MAGI2: variants seen among roughly 807,000 people sequenced by gnomAD.
MAGI2 encodes membrane-associated guanylate kinase, WW and PDZ domain-containing protein 2.
MAGI2 carries 35 observed loss-of-function variants against 133.3 expected under a neutral mutation model. The ratio of observed to expected loss-of-function variants is 0.26; its 90% CI spans 0.20 to 0.35. The LOEUF (loss-of-function observed/expected upper bound fraction) is 0.35, where lower values mean the gene tolerates loss of function less well. MAGI2 is among the 10% of genes least tolerant of loss of function. The pLI, the probability that MAGI2 is intolerant of heterozygous loss-of-function variation, is 1.00. For missense variants in MAGI2, 1,636 were observed against 1,863.4 expected, an observed-to-expected ratio of 0.88 and a Z score of 2.25; for synonymous variants, 729 against 710.6, an observed-to-expected ratio of 1.03 and a Z score of -0.41.
chr7:79,309,202 C>T (rs1006698287), intron 1 of MAGI2, among the ~76,000 whole-genome samples: 1 of 151,856 alleles, frequency 6.6e-6, no homozygotes, highest in African/African-American at 2.4e-5. Context: ...CTAACAGTCT[C>T]AATATGTGTG....
chr7:78,985,638 A>T (rs1805188148), intron 2 of MAGI2, among the ~76,000 whole-genome samples: 1 of 152,016 alleles, frequency 6.6e-6, no homozygotes, highest in African/African-American at 2.4e-5. Flanking sequence ...TTTCTTTACC[A>T]TGGTTCACTA....
intron 2 of MAGI2, among the ~76,000 whole-genome samples, chr7:78,827,631 A>C (rs547424222): frequency 6.6e-6 from 1 of 152,320 alleles, no homozygotes; most frequent in East Asian, 1.9e-4. Flanking sequence ...TAAGATGAGC[A>C]CATTTCATAT....
chr7:78,997,011 T>A (rs955343977), intron 2 of MAGI2, among the ~76,000 whole-genome samples: 1 of 152,026 alleles, frequency 6.6e-6, no homozygotes, highest in Non-Finnish European at 1.5e-5. Flanking sequence ...ACAAGGTAAA[T>A]CAGAATTCCT....
intron 10 of MAGI2, chr7:78,252,303 T>A (rs1792480294): frequency 6.6e-6 from 1 of 152,050 alleles, no homozygotes; most frequent in Non-Finnish European, 1.5e-5. Context: ...GAGGGTGTGG[T>A]AGTAGCACAA....
chr7:78,592,064 C>G (rs1804059731), intron 3 of MAGI2, among the ~76,000 whole-genome samples: 1 of 152,078 alleles, frequency 6.6e-6, no homozygotes, highest in Non-Finnish European at 1.5e-5. Flanking sequence ...ACAGGTGACT[C>G]AGAGGATTAG....
chr7:78,254,470 G>A (rs1403961714), intron 10 of MAGI2: 1 of 152,140 alleles, frequency 6.6e-6, no homozygotes, highest in Non-Finnish European at 1.5e-5. Flanking sequence ...AAAATACCTT[G>A]CCAACATTTA....
chr7:78,547,572 A>G (rs1402742732), intron 3 of MAGI2, among the ~76,000 whole-genome samples: 1 of 152,248 alleles, frequency 6.6e-6, no homozygotes, highest in Non-Finnish European at 1.5e-5. Context: ...AGGGCTGAGG[A>G]TGGCTGGAGC....
In MAGI2 at chr7:78,134,733, G is replaced by A. The variant is rs190448758; in HGVS notation, c.3031+288C>T. 279 of 274,982 alleles carry A rather than the reference G, an allele frequency of 1.0e-3. 5 individuals are homozygous for A. In the East Asian group the frequency reaches 0.017, roughly 17 times the overall value. The allele number at this position is 274,982 out of a possible 1,614,324, so 17.0% of individuals were successfully genotyped here. A position where few individuals can be genotyped will look rare whatever the true frequency, so the allele number is the denominator to read the frequency against. ...ACTTAATATAACCATAAAAGTGGGG[G>A]CCCACAGGGAATGATTGAATAACCT... On this transcript the variant is annotated intron_variant, in intron 17 of 21. Coordinates refer to ENST00000354212, the MANE Select transcript of MAGI2 (RefSeq NM_012301.4).
chr7:78,369,296 T>C (rs931830117), intron 6 of MAGI2, 83 bp from the exon 7 acceptor site: 3 of 987,616 alleles, frequency 3.0e-6, no homozygotes, highest in African/African-American at 3.3e-5. Context: ...GTTCATGGAT[T>C]GCAGAAATGG....
chr7:79,269,897 C>G (rs1327764375), intron 1 of MAGI2, among the ~76,000 whole-genome samples: 1 of 152,154 alleles, frequency 6.6e-6, no homozygotes, highest in Non-Finnish European at 1.5e-5. Context: ...GGCCTGAACT[C>G]TGATAAATTT....
chr7:78,244,678 A>G (rs1011851374), intron 10 of MAGI2, among the ~76,000 whole-genome samples: 1 of 152,204 alleles, frequency 6.6e-6, no homozygotes, highest in African/African-American at 2.4e-5. Context: ...ATATGTAAAC[A>G]AATAGAATTT....
At chr7:78,108,642 ATGTG>A (rs71844818) in intron 20 of MAGI2, among the ~76,000 whole-genome samples, 27,363 of 148,628 alleles carry the variant, frequency 0.18, 3,555 homozygotes, top group African/African-American at 0.37. Flanking sequence ...CTCTCTCTGT[ATGTG>A]TGTGTGTGTG....
At chr7:78,682,617 T>TGGC (rs1815811756) in intron 2 of MAGI2, among the ~76,000 whole-genome samples, 1 of 152,166 alleles carries the variant, frequency 6.6e-6, no homozygotes, top group Non-Finnish European at 1.5e-5. Flanking sequence ...TTATCCAGTC[T>TGGC]ATCATTGATG....
At chr7:78,223,674 T>G (rs1186774286) in intron 10 of MAGI2, among the ~76,000 whole-genome samples, 1 of 152,136 alleles carries the variant, frequency 6.6e-6, no homozygotes, top group Non-Finnish European at 1.5e-5. Flanking sequence ...CCAAAACCAT[T>G]TACTGTAATG....
chr7:78,818,727 C>G (rs1389815536), intron 2 of MAGI2, among the ~76,000 whole-genome samples: 1 of 152,132 alleles, frequency 6.6e-6, no homozygotes, highest in Non-Finnish European at 1.5e-5. Flanking sequence ...TGTCTTACTA[C>G]AGAGTGTGAC....
chr7:78,044,077 A>G (rs1811141200), intron 21 of MAGI2, among the ~76,000 whole-genome samples: 1 of 152,184 alleles, frequency 6.6e-6, no homozygotes, highest in East Asian at 1.9e-4. Context: ...TATAACTTGC[A>G]CTTCTATTAT....
At chr7:78,641,432 TAAAC>T (rs1810295149) in intron 2 of MAGI2, among the ~76,000 whole-genome samples, 1 of 152,174 alleles carries the variant, frequency 6.6e-6, no homozygotes, top group Non-Finnish European at 1.5e-5. Context: ...ACATAATACA[TAAAC>T]AAATGAGCAC....
At chr7:78,163,978 T>C (rs1825367835) in intron 15 of MAGI2, among the ~76,000 whole-genome samples, 1 of 151,950 alleles carries the variant, frequency 6.6e-6, no homozygotes, top group Non-Finnish European at 1.5e-5. Context: ...TGATTTCCAG[T>C]TTTTCTTGAC....
chr7:78,419,648 C>T (rs1798622907), intron 6 of MAGI2, among the ~76,000 whole-genome samples: 1 of 146,918 alleles, frequency 6.8e-6, no homozygotes, highest in African/African-American at 2.5e-5. Context: ...GAGAGCTAAG[C>T]ATTTTTTCAA....
Sources: gnomAD v4.1 joint callset for allele counts (sites outside exome capture counted in the v4.1 genomes callset) on GRCh38, gnomAD v4.1.1 for gene constraint, MANE v1.5 for transcripts, NCBI Gene and HGNC (gene_info 2026-07-23, HGNC 2026-07-21) for gene names.